Variants in BICRA observed in about 807,000 individuals in gnomAD.
The protein encoded by BICRA is BRD4-interacting chromatin-remodeling complex-associated protein.
Under a neutral mutation model 96.9 loss-of-function variants are expected in BICRA, and 31 were observed. The ratio of observed to expected loss-of-function variants is 0.32; its 90% CI spans 0.24 to 0.43. The LOEUF (loss-of-function observed/expected upper bound fraction) is 0.43. Ranked by LOEUF, BICRA falls within the 20% of genes least tolerant of loss-of-function variation. BICRA has a pLI of 1.00. For synonymous variants in BICRA, 1,350 were observed against 1,071.8 expected, an observed-to-expected ratio of 1.26 and a Z score of -5.07; for missense variants, 2,283 against 2,190.3, an observed-to-expected ratio of 1.04 and a Z score of -0.84.
intron 1 of BICRA, among the ~76,000 whole-genome samples, chr19:47,618,340 C>G (rs1972014283): frequency 6.6e-6 from 1 of 152,120 alleles, no homozygotes; most frequent in South Asian, 2.1e-4. Flanking sequence ...CTATTTCCCT[C>G]CTTTAGTCCA....
chr19:47,667,018 TTTTC>T (rs1014228770), intron 1 of BICRA, among the ~76,000 whole-genome samples: 1 of 151,414 alleles, frequency 6.6e-6, no homozygotes, highest in Admixed American at 6.6e-5. Flanking sequence ...TTCATGTCTT[TTTTC>T]TTTTTTTTTT....
At chr19:47,632,925 C>T (rs1568551621) in intron 1 of BICRA, among the ~76,000 whole-genome samples, 1 of 152,086 alleles carries the variant, frequency 6.6e-6, no homozygotes, top group African/African-American at 2.4e-5. Flanking sequence ...CAGAGTCTGC[C>T]TCCCGAAGTG....
rs1972931767 is a variant in BICRA at position 47,675,827 on chromosome 19, T to G, written c.85-24T>G. On this transcript the variant is annotated intron_variant, in intron 4 of 14. Transcript: ENST00000594866. The surrounding 1 kb of genome is among the most constrained non-coding windows in gnomAD (Gnocchi z 4.7). ...GGCCTGCCCTGCTGACTTTTGACCT[T>G]GGATGGGGCGGGTCTTGTTGCAGCT... 6.2e-7 allele frequency: 1 copy of G among 1,601,544 alleles called. No homozygotes were observed. Among genetic ancestry groups the G allele is most frequent in the African/African-American group, 1.3e-5 (1 of 74,866 alleles).
At chr19:47,635,562 G>C (rs1471223639) in intron 1 of BICRA, among the ~76,000 whole-genome samples, 1 of 152,016 alleles carries the variant, frequency 6.6e-6, no homozygotes, top group Non-Finnish European at 1.5e-5. Context: ...TCTATTTCTA[G>C]GATTTTTTTC....
chr19:47,635,346 C>T (rs1332837183), intron 1 of BICRA, among the ~76,000 whole-genome samples: 6 of 151,514 alleles, frequency 4.0e-5, no homozygotes, highest in African/African-American at 1.5e-4. Context: ...CTCCTGGGCT[C>T]AAGTGATCCT....
chr19:47,701,405 G>A lies in BICRA; in HGVS notation c.3673G>A (p.Gly1225Ser), dbSNP rs1973441055. ...SSEGHRLPGH[G>S]PLSSSAPGAS... Reference sequence around the variant, plus strand: ...CGAGGGTCATCGGCTTCCCGGCCACGGCCCCCTGTCGTCTTCAGCTCCCGG... The same window carrying A: ...CGAGGGTCATCGGCTTCCCGGCCACAGCCCCCTGTCGTCTTCAGCTCCCGG... Residue 1225 changes from glycine (G) to serine (S), a missense_variant, in exon 15 of 15, where the codon GGC becomes AGC. Physicochemically the swap from Gly to Ser is moderately conservative, Grantham distance 56 (BLOSUM62 0). Coordinates refer to ENST00000594866, the MANE Select transcript of BICRA (RefSeq NM_001394372.1). This position sits in a 1 kb window ranked among gnomAD's most constrained non-coding sequence, Gnocchi z 5.4. The A allele has an allele frequency of 1.2e-6, 2 of 1,601,272 alleles. No homozygotes were observed. Among genetic ancestry groups the A allele is most frequent in the South Asian group, 1.1e-5 (1 of 89,316 alleles).
chr19:47,637,220 C>T lies in BICRA; in HGVS notation c.-108+28052C>T, dbSNP rs896165495. 3.3e-5 allele frequency among the ~76,000 whole-genome samples: 5 copies of T among 149,852 alleles called. No homozygotes were observed. In the South Asian group the frequency reaches 6.3e-4, roughly 19 times the overall value. On this transcript the variant is annotated intron_variant, in intron 1 of 14. Transcript: ENST00000594866. ...CTGAAAGCTTCACCTCCCGGGTTCACGCCATCCTCCTGCCTCAGCCTCCCA... is the reference window on the plus strand; with the variant it reads ...CTGAAAGCTTCACCTCCCGGGTTCATGCCATCCTCCTGCCTCAGCCTCCCA...
rs1343479969 is a variant in BICRA at position 47,679,945 on chromosome 19, G to A, written c.775G>A (p.Val259Ile). ...CCAGCTCCTGGCCAAGCAGGTGCCC[G>A]TCAGCGGCTACCTGGCCTCGGCGGC... is the stretch of plus-strand genomic sequence containing the variant. ...TSQLLAKQVP[V>I]SGYLASAAGP... The change falls in exon 6 of 15, where the codon GTC becomes ATC. Residue 259 changes from valine (V) to isoleucine (I), a missense_variant. Physicochemically the swap from Val to Ile is conservative, Grantham distance 29. Coordinates refer to ENST00000594866, the MANE Select transcript of BICRA (RefSeq NM_001394372.1). 28 of 1,505,902 alleles carry A rather than the reference G, an allele frequency of 1.9e-5. No individual in the cohort carries two copies. Among genetic ancestry groups the A allele is most frequent in the Admixed American group, 4.4e-5 (2 of 45,928 alleles). 93.3% of individuals were successfully genotyped at this position (1,505,902 alleles called of 1,614,324 possible).
chr19:47,674,022 A>T (rs1010726067), intron 4 of BICRA, among the ~76,000 whole-genome samples: 2 of 152,226 alleles, frequency 1.3e-5, no homozygotes, highest in Non-Finnish European at 2.9e-5. Context: ...GATAAAAAAT[A>T]ATAATGTCAT....
chr19:47,681,733 G>A (rs1973064696), intron 6 of BICRA, among the ~76,000 whole-genome samples: 1 of 152,112 alleles, frequency 6.6e-6, no homozygotes, highest in African/African-American at 2.4e-5. Flanking sequence ...AGGGACAGAG[G>A]GACAGGCAGG....
chr19:47,701,988 C>T lies in BICRA; in HGVS notation c.4256C>T (p.Ala1419Val), dbSNP rs776892555. Reference protein sequence around the residue: ...ARGGSPAPLPAKVDEATSGLI... With the variant: ...ARGGSPAPLPVKVDEATSGLI... ...GGAGGCAGCCCGGCGCCGCTGCCCG[C>T]CAAAGTGGACGAGGCCACCAGCGGG... The change falls in exon 15 of 15, where the codon GCC becomes GTC. Residue 1419 changes from alanine to valine, a missense_variant. By Grantham distance (64) the Ala-to-Val change is moderately conservative. Coordinates refer to ENST00000594866, the MANE Select transcript of BICRA (RefSeq NM_001394372.1). This position sits in a 1 kb window ranked among gnomAD's most constrained non-coding sequence, Gnocchi z 5.4. 2.7e-6 allele frequency: 4 copies of T among 1,480,130 alleles called. No individual in the cohort carries two copies. The Admixed American group carries it at 1.0e-4, about 37-fold the overall frequency. 91.7% of individuals were successfully genotyped at this position (1,480,130 alleles called of 1,614,324 possible).
chr19:47,654,414 A>G (rs1972584355), intron 1 of BICRA, among the ~76,000 whole-genome samples: 1 of 152,052 alleles, frequency 6.6e-6, no homozygotes, highest in South Asian at 2.1e-4. Flanking sequence ...TGCCCAAGAA[A>G]TTAAAAAAAA....
At chr19:47,630,981 G>T (rs912011537) in intron 1 of BICRA, among the ~76,000 whole-genome samples, 7 of 152,144 alleles carry the variant, frequency 4.6e-5, no homozygotes, top group African/African-American at 1.4e-4. Flanking sequence ...GCACATCTCA[G>T]TTGGGACTCG....
intron 7 of BICRA, among the ~76,000 whole-genome samples, chr19:47,685,228 C>T (rs576009668): frequency 4.6e-5 from 7 of 152,000 alleles, no homozygotes; most frequent in Non-Finnish European, 8.8e-5. Context: ...CTTAGTAATC[C>T]TCCCACCTTG....
chr19:47,614,522 C>T (rs183768749), intron 1 of BICRA, among the ~76,000 whole-genome samples: 40 of 152,358 alleles, frequency 2.6e-4, no homozygotes, highest in Non-Finnish European at 4.6e-4. Context: ...GAGCCTGAGG[C>T]AGGGGAATTG....
chr19:47,673,441 T>A, intron 2 of BICRA, 129 bp from the exon 3 acceptor site: 1 of 730,116 alleles, frequency 1.4e-6, no homozygotes. Flanking sequence ...TCCCCATCTA[T>A]CCCCATGGAC....
intron 11 of BICRA, 138 bp downstream of exon 11, chr19:47,696,650 C>T: frequency 1.4e-6 from 1 of 696,512 alleles, no homozygotes; most frequent in East Asian, 2.8e-5. Flanking sequence ...CGATGTAGTT[C>T]CCTCATAGAC....
intron 1 of BICRA, among the ~76,000 whole-genome samples, chr19:47,619,042 C>T (rs1972023791): frequency 6.6e-6 from 1 of 152,142 alleles, no homozygotes; most frequent in South Asian, 2.1e-4. Flanking sequence ...GGCGCCCGGC[C>T]TGGGTGCGGG....
At chr19:47,614,292 C>T (rs555924952) in intron 1 of BICRA, among the ~76,000 whole-genome samples, 1 of 152,212 alleles carries the variant, frequency 6.6e-6, no homozygotes, top group South Asian at 2.1e-4. Context: ...ATGTTCTGTG[C>T]ATGTACTTTT....
Sources: gnomAD v4.1 joint callset for allele counts (sites outside exome capture counted in the v4.1 genomes callset) on GRCh38, gnomAD v4.1.1 for gene constraint, Gnocchi (gnomAD v3.1) non-coding constraint, MANE v1.5 for transcripts, NCBI Gene and HGNC (gene_info 2026-07-23, HGNC 2026-07-21) for gene names.